Variants in SLA2 observed in about 807,000 individuals in gnomAD.
SLA2 encodes Src like adaptor 2, also known as src-like-adapter 2.
Under a neutral mutation model 27.3 loss-of-function variants are expected in SLA2, and 22 were observed. That is an observed-to-expected ratio of 0.81 (90% confidence interval 0.58 to 1.15). SLA2 has a LOEUF of 1.15. Ranked by LOEUF, SLA2 falls within the 50% of genes most tolerant of loss-of-function variation. SLA2 has a pLI of 0.00. For missense variants in SLA2, 304 were observed against 322.2 expected, an observed-to-expected ratio of 0.94 and a Z score of 0.43; for synonymous variants, 131 against 137.8, an observed-to-expected ratio of 0.95 and a Z score of 0.34.
At chr20:36,643,989 C>T (rs1310519217) in intron 1 of SLA2, among the ~76,000 whole-genome samples, 1 of 151,962 alleles carries the variant, frequency 6.6e-6, no homozygotes, top group African/African-American at 2.4e-5. Context: ...CTGCTTGCTG[C>T]TCCCTCCGTA....
chr20:36,638,295 T>C (rs1179325971), intron 2 of SLA2, among the ~76,000 whole-genome samples: 1 of 151,972 alleles, frequency 6.6e-6, no homozygotes, highest in Non-Finnish European at 1.5e-5. Context: ...AAACTTGAGA[T>C]GGGGAATTTA....
rs533434475 is a variant in SLA2 at position 36,612,898 on chromosome 20, A to C, written c.*968T>G. Reference sequence around the variant, plus strand: ...GATGGCAAGGCCAGTGTGCTAGGGAATGGTAAGCCACAAAATGAAATAGAG... The same window carrying C: ...GATGGCAAGGCCAGTGTGCTAGGGACTGGTAAGCCACAAAATGAAATAGAG... On this transcript the variant is annotated 3_prime_UTR_variant, in exon 8 of 8. Transcript: ENST00000262866. 1.3e-5 allele frequency: 2 copies of C among 154,018 alleles called. No individual in the cohort carries two copies. The highest frequency in any genetic ancestry group is 1.3e-4 in the Admixed American group (2 of 15,668). 9.5% of individuals were successfully genotyped at this position (154,018 alleles called of 1,614,324 possible).
intron 5 of SLA2, among the ~76,000 whole-genome samples, chr20:36,624,712 T>A (rs1228288981): frequency 1.3e-5 from 2 of 152,238 alleles, no homozygotes; most frequent in African/African-American, 2.4e-5. Flanking sequence ...GAATGATTCT[T>A]GAAGGCCTAT....
intron 5 of SLA2, chr20:36,621,510 CG>C: frequency 1.1e-5 from 3 of 279,254 alleles, no homozygotes; most frequent in South Asian, 9.7e-5. Context: ...GGCGCGATCT[CG>C]GCTCACTGCA....
In SLA2 at chr20:36,633,438, C is replaced by T. The variant is rs2039412338; in HGVS notation, c.278+105G>A. On this transcript the variant is annotated intron_variant, in intron 4 of 7. Coordinates refer to ENST00000262866, the MANE Select transcript of SLA2 (RefSeq NM_032214.4). The stretch of plus-strand genomic sequence containing the variant: ...GAGGGCAGGACCTGGGTTCGATTCT[C>T]CCCCATCCCCAGCTTTGCTCAGCGC... 4.2e-6 allele frequency: 4 copies of T among 963,228 alleles called. No homozygotes were observed. The South Asian group carries it at 4.3e-5, about 10-fold the overall frequency. The allele number at this position is 963,228 out of a possible 1,614,324, so 59.7% of individuals were successfully genotyped here. A position where few individuals can be genotyped will look rare whatever the true frequency, so the allele number is the denominator to read the frequency against.
chr20:36,614,674 TC>T, intron 6 of SLA2: 1 of 985,434 alleles, frequency 1.0e-6, no homozygotes, highest in South Asian at 4.7e-5. Flanking sequence ...CCTCTTGAGC[TC>T]AAGTTTCTGG....
chr20:36,635,476 G>A (rs984340734), intron 2 of SLA2, among the ~76,000 whole-genome samples: 31 of 151,722 alleles, frequency 2.0e-4, no homozygotes, highest in African/African-American at 7.3e-4. Flanking sequence ...ACAAGGATGG[G>A]GGTGTTGGGT....
intron 5 of SLA2, among the ~76,000 whole-genome samples, chr20:36,625,135 A>G (rs983377757): frequency 1.3e-5 from 2 of 151,840 alleles, no homozygotes; most frequent in Non-Finnish European, 2.9e-5. Flanking sequence ...TTGTCAGCAC[A>G]TCCACAGCTG....
At chr20:36,622,059 C>T (rs541843847) in intron 5 of SLA2, among the ~76,000 whole-genome samples, 1 of 152,116 alleles carries the variant, frequency 6.6e-6, no homozygotes, top group East Asian at 1.9e-4. Flanking sequence ...GTGGCTCACA[C>T]CTGTAATCCC....
chr20:36,619,071 C>CA (rs1555791929), intron 5 of SLA2, among the ~76,000 whole-genome samples: 1 of 150,980 alleles, frequency 6.6e-6, no homozygotes, highest in African/African-American at 2.4e-5. Flanking sequence ...ACAAAAAATA[C>CA]AAAAAAATTA....
chr20:36,638,048 C>T (rs1022921643), intron 2 of SLA2, among the ~76,000 whole-genome samples: 4 of 151,896 alleles, frequency 2.6e-5, no homozygotes, highest in East Asian at 1.9e-4. Context: ...CCCACCACCA[C>T]GCCCAGCTAA....
intron 5 of SLA2, chr20:36,621,356 G>T: frequency 1.6e-6 from 1 of 614,350 alleles, no homozygotes; most frequent in Non-Finnish European, 3.1e-6. Flanking sequence ...AGAAGCTCAG[G>T]CAGTCCCTAT....
chr20:36,643,677 C>T (rs570146183), intron 1 of SLA2, among the ~76,000 whole-genome samples: 1 of 152,092 alleles, frequency 6.6e-6, no homozygotes, highest in South Asian at 2.1e-4. Flanking sequence ...CTGGGCCGGG[C>T]GCGGTGGCTC....
chr20:36,645,025 T>C (rs1978286762), intron 1 of SLA2, among the ~76,000 whole-genome samples: 1 of 151,942 alleles, frequency 6.6e-6, no homozygotes, highest in Admixed American at 6.6e-5. Context: ...CTGAAGATCA[T>C]TTTTCAGCAG....
intron 1 of SLA2, among the ~76,000 whole-genome samples, chr20:36,642,711 G>A (rs532662977): frequency 2.6e-5 from 4 of 152,046 alleles, no homozygotes; most frequent in East Asian, 1.9e-4. Flanking sequence ...TCAGCCTCCC[G>A]AGTAGCTGGG....
chr20:36,622,697 GGC>G (rs1292292272), intron 5 of SLA2, among the ~76,000 whole-genome samples: 1 of 151,976 alleles, frequency 6.6e-6, no homozygotes, highest in Non-Finnish European at 1.5e-5. Context: ...CTCTGCTCAT[GGC>G]CCCTTCCTCA....
intron 2 of SLA2, among the ~76,000 whole-genome samples, chr20:36,638,491 G>A (rs1568609969): frequency 6.6e-6 from 1 of 152,040 alleles, no homozygotes; most frequent in East Asian, 1.9e-4. Context: ...ACCACGCCCG[G>A]CTAGTTTTTG....
chr20:36,634,644 A>G, intron 2 of SLA2, 55 bp from the exon 3 acceptor site: 1 of 1,235,318 alleles, frequency 8.1e-7, no homozygotes, highest in Non-Finnish European at 1.2e-6. Flanking sequence ...TCCACGCATG[A>G]GGTCTAGTGG....
intron 5 of SLA2, among the ~76,000 whole-genome samples, chr20:36,617,170 C>G (rs1012107670): frequency 3.3e-5 from 5 of 149,698 alleles, no homozygotes; most frequent in Non-Finnish European, 7.4e-5. Context: ...ACAGCCTGAC[C>G]AATGTGGCGA....
Sources: allele counts gnomAD v4.1 joint callset (sites outside exome capture counted in the v4.1 genomes callset), GRCh38; gene constraint gnomAD v4.1.1; transcripts MANE v1.5; gene names NCBI Gene and HGNC (gene_info 2026-07-23, HGNC 2026-07-21).